MAST4: variants seen among roughly 807,000 people sequenced by gnomAD.
MAST4 encodes the protein microtubule-associated serine/threonine-protein kinase 4.
MAST4 carries 89 observed loss-of-function variants against 162.7 expected under a neutral mutation model. That is an observed-to-expected ratio of 0.55 (90% CI 0.46 to 0.65). MAST4 has a LOEUF of 0.65. Among genes scored for constraint, MAST4 ranks in the 30% least tolerant of loss-of-function variants. The pLI, the probability that MAST4 is intolerant of heterozygous loss-of-function variation, is 0.00. For synonymous variants in MAST4, 1,479 were observed against 1,361.1 expected (o/e 1.09, Z -1.91); for missense variants, 3,153 against 3,374.0 (o/e 0.93, Z 1.62).
intron 4 of MAST4, among the ~76,000 whole-genome samples, chr5:66,966,686 C>T (rs1746773083): frequency 6.6e-6 from 1 of 152,102 alleles, no homozygotes; most frequent in Non-Finnish European, 1.5e-5. Flanking sequence ...CTGTATCTAA[C>T]AATAGGGAAG....
intron 1 of MAST4, among the ~76,000 whole-genome samples, chr5:66,605,611 T>A (rs1742832656): frequency 6.6e-6 from 1 of 152,222 alleles, no homozygotes; most frequent in African/African-American, 2.4e-5. Context: ...CTTGGTTATT[T>A]GTTCTACAGT....
At chr5:66,959,855 T>C (rs1435868676) in intron 4 of MAST4, among the ~76,000 whole-genome samples, 1 of 150,288 alleles carries the variant, frequency 6.7e-6, no homozygotes, top group Non-Finnish European at 1.5e-5. Flanking sequence ...GTGTGTTTGC[T>C]TAGCTGTTTT....
intron 5 of MAST4, among the ~76,000 whole-genome samples, chr5:67,088,388 G>T (rs1004072314): frequency 6.6e-6 from 1 of 152,112 alleles, no homozygotes; most frequent in African/African-American, 2.4e-5. Flanking sequence ...TTATTTACTG[G>T]TAGTTTGCTC....
chr5:66,801,788 AT>A (rs1268653018), intron 3 of MAST4, among the ~76,000 whole-genome samples: 1 of 152,242 alleles, frequency 6.6e-6, no homozygotes, highest in African/African-American at 2.4e-5. Flanking sequence ...TTCAAAGCTA[AT>A]TATGTTAATT....
chr5:67,129,036 G>A (rs865775147), intron 14 of MAST4, among the ~76,000 whole-genome samples: 1 of 152,072 alleles, frequency 6.6e-6, no homozygotes. Context: ...AGCCTCATTG[G>A]GTCCCTTGTC....
At chr5:66,775,067 G>A (rs147839506) in intron 2 of MAST4, among the ~76,000 whole-genome samples, 57 of 151,394 alleles carry the variant, frequency 3.8e-4, no homozygotes, top group African/African-American at 1.3e-3. Context: ...TAGCTGCTTA[G>A]TCACATGGGA....
intron 4 of MAST4, among the ~76,000 whole-genome samples, chr5:66,911,202 C>T (rs144091829): frequency 7.2e-5 from 11 of 152,270 alleles, no homozygotes; most frequent in East Asian, 3.9e-4. Flanking sequence ...TGCTTCATCC[C>T]GTGCATCACT....
At chr5:66,925,346 G>A (rs189163852) in intron 4 of MAST4, among the ~76,000 whole-genome samples, 2 of 152,240 alleles carry the variant, frequency 1.3e-5, no homozygotes, top group South Asian at 2.1e-4. Context: ...ATTTCAAAAG[G>A]TAACATTTTT....
At chr5:67,015,413 G>T (rs1422447032) in intron 4 of MAST4, among the ~76,000 whole-genome samples, 1 of 152,158 alleles carries the variant, frequency 6.6e-6, no homozygotes, top group Non-Finnish European at 1.5e-5. Context: ...CTTTTTAATA[G>T]AGAAACTAAC....
intron 1 of MAST4, among the ~76,000 whole-genome samples, chr5:66,720,113 G>A (rs925289270): frequency 1.3e-5 from 2 of 152,082 alleles, no homozygotes; most frequent in African/African-American, 4.8e-5. Context: ...GGTCTCAGAT[G>A]TTTATTAGTG....
At chr5:66,810,309 C>CTA (rs2149712787) in intron 3 of MAST4, among the ~76,000 whole-genome samples, 1 of 152,244 alleles carries the variant, frequency 6.6e-6, no homozygotes, top group East Asian at 1.9e-4. Context: ...TCTTCCTTAC[C>CTA]TACGGGCCAT....
At chr5:66,734,059 GC>G (rs1186307119) in intron 1 of MAST4, among the ~76,000 whole-genome samples, 2 of 152,068 alleles carry the variant, frequency 1.3e-5, no homozygotes, top group Non-Finnish European at 2.9e-5. Context: ...CTGTTACCTT[GC>G]TTTTTACCAA....
At chr5:66,747,097 GGTGTGTGTGTGT>G (rs138318051) in intron 1 of MAST4, among the ~76,000 whole-genome samples, 6 of 145,988 alleles carry the variant, frequency 4.1e-5, no homozygotes, top group East Asian at 2.0e-4. Context: ...GCATGCGCAT[GGTGTGTGTGTGT>G]GTGTGTGTGT....
At chr5:66,724,781 GTAT>G in intron 1 of MAST4, among the ~76,000 whole-genome samples, 1 of 152,012 alleles carries the variant, frequency 6.6e-6, no homozygotes, top group Non-Finnish European at 1.5e-5. Context: ...CAAAAATATG[GTAT>G]TATAATCTTT....
At chr5:66,675,354 A>G (rs1747876351) in intron 1 of MAST4, among the ~76,000 whole-genome samples, 1 of 152,252 alleles carries the variant, frequency 6.6e-6, no homozygotes, top group Non-Finnish European at 1.5e-5. Context: ...TCACTGCAGT[A>G]GTCCAGAAGA....
Position 67,049,008 on chromosome 5 carries a change from C to CACACAT in MAST4, c.675-5395_675-5394insCACATA, listed in dbSNP as rs1362965159. The stretch of plus-strand genomic sequence containing the variant: ...ATATGTATATATATATATACACACA[C>CACACAT]ATATATATATATACGTATATATATA... On this transcript the variant is annotated intron_variant, in intron 4 of 28. Transcript: ENST00000403625. Among the ~76,000 whole-genome samples the CACACAT allele has an allele frequency of 2.6e-4, 27 of 104,524 alleles. 1 individual carries two copies. The highest frequency in any genetic ancestry group is 1.1e-3 in the African/African-American group (27 of 24,424). 68.6% of individuals were successfully genotyped at this position (104,524 alleles called of 152,430 possible).
intron 4 of MAST4, among the ~76,000 whole-genome samples, chr5:67,006,351 G>T (rs1185997443): frequency 6.6e-6 from 1 of 152,208 alleles, no homozygotes; most frequent in African/African-American, 2.4e-5. Context: ...TATGGTCAGA[G>T]ACCCTCTCTT....
chr5:67,078,260 C>T lies in MAST4; in HGVS notation c.764-11902C>T, dbSNP rs184967033. Among the ~76,000 whole-genome samples the T allele has an allele frequency of 2.4e-3, 365 of 149,326 alleles. 4 individuals are homozygous for T. The highest frequency in any genetic ancestry group is 8.3e-3 in the African/African-American group (337 of 40,552). ...AAAAACTTTTCCACAGAAAAGTTAC[C>T]ATAAGTAACATTAAAAGATAAACAC... On this transcript the variant is annotated intron_variant, in intron 5 of 28. Coordinates refer to ENST00000403625, the MANE Select transcript of MAST4 (RefSeq NM_001164664.2).
intron 3 of MAST4, among the ~76,000 whole-genome samples, chr5:66,868,273 G>C (rs36142): frequency 6.6e-6 from 1 of 151,732 alleles, no homozygotes; most frequent in Admixed American, 6.6e-5. Context: ...TTTCAGGTAG[G>C]ATCTCCCTAT....
Sources: allele counts gnomAD v4.1 joint callset (sites outside exome capture counted in the v4.1 genomes callset), GRCh38; gene constraint gnomAD v4.1.1; transcripts MANE v1.5; gene names NCBI Gene and HGNC (gene_info 2026-07-23, HGNC 2026-07-21).